The following IQSEC1 variants were observed in gnomAD, a reference collection of about 807,000 sequenced individuals.
IQSEC1 encodes the protein IQ motif and SEC7 domain-containing protein 1.
A neutral mutation model predicts 91.0 loss-of-function variants in IQSEC1; 31 were observed. The ratio of observed to expected loss-of-function variants is 0.34; its 90% CI spans 0.26 to 0.46. The LOEUF (loss-of-function observed/expected upper bound fraction) is 0.46, where lower values mean the gene tolerates loss of function less well. Ranked by LOEUF, IQSEC1 falls within the 20% of genes least tolerant of loss-of-function variation. IQSEC1 has a pLI of 1.00. For synonymous variants in IQSEC1, 699 were observed against 662.6 expected, an observed-to-expected ratio of 1.05 and a Z score of -0.84; for missense variants, 1,388 against 1,575.6, an observed-to-expected ratio of 0.88 and a Z score of 2.02.
At chr3:13,247,582 TTCTC>T (rs1264891424) in intron 1 of IQSEC1, among the ~76,000 whole-genome samples, 1 of 152,328 alleles carries the variant, frequency 6.6e-6, no homozygotes, top group East Asian at 1.9e-4. Context: ...AAGCAGAAAT[TTCTC>T]TCTCATAATT....
intron 1 of IQSEC1, chr3:13,022,157 C>T: frequency 8.1e-7 from 1 of 1,231,836 alleles, no homozygotes. Flanking sequence ...GCCCCACCAC[C>T]CAGAGTCTCC....
chr3:13,121,215 T>C (rs1706417886), intron 2 of IQSEC1, among the ~76,000 whole-genome samples: 1 of 152,244 alleles, frequency 6.6e-6, no homozygotes, highest in Non-Finnish European at 1.5e-5. Flanking sequence ...TCGTCAGAGC[T>C]GAGTAGTTAC....
chr3:12,915,303 A>G (rs1695973460), intron 7 of IQSEC1, among the ~76,000 whole-genome samples, 170 bp from the exon 8 acceptor site: 1 of 152,136 alleles, frequency 6.6e-6, no homozygotes, highest in Admixed American at 6.5e-5. Context: ...GGACTCCTGG[A>G]CCACCCAGGA....
chr3:13,009,355 G>C (rs1031181205), intron 1 of IQSEC1, among the ~76,000 whole-genome samples: 10 of 152,110 alleles, frequency 6.6e-5, no homozygotes, highest in Non-Finnish European at 5.9e-5. Flanking sequence ...GTGTGGGCAG[G>C]CTGATTTCTG....
In IQSEC1 at chr3:13,211,002, T is replaced by C. The variant is rs1273278989; in HGVS notation, c.273-46869A>G. On this transcript the variant is annotated intron_variant, in intron 1 of 15. Transcript: ENST00000648114. This position sits in a 1 kb window ranked among gnomAD's most constrained non-coding sequence, Gnocchi z 5.3. Reference sequence around the variant, plus strand: ...TCCCTCTGGAAAGATCATCCTGTACTATCACTTGAGAGAGACAAGAGTCTG... The same window carrying C: ...TCCCTCTGGAAAGATCATCCTGTACCATCACTTGAGAGAGACAAGAGTCTG... 6.6e-6 allele frequency among the ~76,000 whole-genome samples: 1 copy of C among 152,218 alleles called. No homozygotes were observed. The highest frequency in any genetic ancestry group is 6.5e-5 in the Admixed American group (1 of 15,288).
intron 1 of IQSEC1, among the ~76,000 whole-genome samples, chr3:13,009,210 C>A (rs553039024): frequency 6.6e-6 from 1 of 152,230 alleles, no homozygotes; most frequent in Non-Finnish European, 1.5e-5. Flanking sequence ...CCCAGAGAGG[C>A]CTGGTGACTC....
intron 1 of IQSEC1, among the ~76,000 whole-genome samples, chr3:12,991,628 C>T (rs553080536): frequency 6.6e-6 from 1 of 152,338 alleles, no homozygotes; most frequent in South Asian, 2.1e-4. Flanking sequence ...AGCACAAAGG[C>T]AGCTCCAGCT....
intron 1 of IQSEC1, among the ~76,000 whole-genome samples, chr3:13,250,958 T>C (rs958478140): frequency 1.3e-5 from 2 of 152,172 alleles, no homozygotes; most frequent in Non-Finnish European, 2.9e-5. Flanking sequence ...TCCTCCTCTG[T>C]CCAGAAGAGG....
At chr3:13,058,550 G>A (rs360763) in intron 1 of IQSEC1, among the ~76,000 whole-genome samples, 68,208 of 152,042 alleles carry the variant, frequency 0.45, 15,939 homozygotes, top group East Asian at 0.66. Context: ...GGTGAGGGCT[G>A]TCTTTGTGGC....
Position 12,983,722 on chromosome 3 carries a change from C to A in IQSEC1, c.24-41857G>T, listed in dbSNP as rs1175568641. Among the ~76,000 whole-genome samples, 1 of 152,166 alleles carries A rather than the reference C, an allele frequency of 6.6e-6. No individual in the cohort carries two copies. The highest frequency in any genetic ancestry group is 1.5e-5 in the Non-Finnish European group (1 of 68,026). On this transcript the variant is annotated intron_variant, in intron 1 of 13. Coordinates refer to ENST00000613206, the MANE Select transcript of IQSEC1 (RefSeq NM_001134382.3). The surrounding 1 kb of genome is among the most constrained non-coding windows in gnomAD (Gnocchi z 4.3). ...CACCTGGGCGATGCTGTTCAGAGGA[C>A]AATTTCCCTTTCCCTCTCCCCTCTG...
intron 1 of IQSEC1, chr3:13,015,585 A>G: frequency 1.0e-6 from 1 of 985,302 alleles, no homozygotes; most frequent in Non-Finnish European, 1.2e-6. Context: ...CACAGTCTCA[A>G]AGTGGAGGGG....
At chr3:13,213,830 C>A (rs1426741658) in intron 1 of IQSEC1, among the ~76,000 whole-genome samples, 2 of 152,140 alleles carry the variant, frequency 1.3e-5, no homozygotes, top group Non-Finnish European at 2.9e-5. Flanking sequence ...AGTGCCTAGG[C>A]CATCTCAGGA....
At chr3:13,246,521 T>C (rs1235337658) in intron 1 of IQSEC1, among the ~76,000 whole-genome samples, 1 of 152,160 alleles carries the variant, frequency 6.6e-6, no homozygotes, top group Non-Finnish European at 1.5e-5. Context: ...ATGTGAAGCG[T>C]ATTTTGCCAC....
chr3:13,212,915 T>C (rs1444007014), intron 1 of IQSEC1, among the ~76,000 whole-genome samples: 1 of 152,260 alleles, frequency 6.6e-6, no homozygotes, highest in Non-Finnish European at 1.5e-5. Context: ...CTTTTTGTTA[T>C]TGAGTTATAA....
chr3:13,012,031 A>G (rs1267175179), intron 1 of IQSEC1, among the ~76,000 whole-genome samples: 1 of 152,190 alleles, frequency 6.6e-6, no homozygotes, highest in African/African-American at 2.4e-5. Flanking sequence ...GCACCACCAG[A>G]GGCTGCGGAG....
intron 2 of IQSEC1, among the ~76,000 whole-genome samples, chr3:12,939,766 C>T (rs914278525): frequency 7.9e-5 from 12 of 152,180 alleles, no homozygotes; most frequent in Admixed American, 1.3e-4. Context: ...AGAGGTCTTC[C>T]CAACCAGCCT....
intron 1 of IQSEC1, among the ~76,000 whole-genome samples, chr3:13,025,630 G>A (rs1340413508): frequency 6.6e-6 from 1 of 152,194 alleles, no homozygotes; most frequent in Non-Finnish European, 1.5e-5. Context: ...TGTGGTCTTA[G>A]GGCCTTGAGA....
At chr3:12,954,040 G>C (rs1699739595) in intron 1 of IQSEC1, among the ~76,000 whole-genome samples, 1 of 152,358 alleles carries the variant, frequency 6.6e-6, no homozygotes, top group African/African-American at 2.4e-5. Flanking sequence ...CAGAAAGAAA[G>C]GTCTCCGTGT....
intron 1 of IQSEC1, among the ~76,000 whole-genome samples, chr3:13,278,252 C>A (rs143270371): frequency 1.3e-5 from 2 of 152,166 alleles, no homozygotes; most frequent in South Asian, 2.1e-4. Context: ...TGGGCTTCCC[C>A]CCCCCACCCC....
Sources: gnomAD v4.1 joint callset for allele counts (sites outside exome capture counted in the v4.1 genomes callset) on GRCh38, gnomAD v4.1.1 for gene constraint, Gnocchi (gnomAD v3.1) non-coding constraint, MANE v1.5 for transcripts, NCBI Gene and HGNC (gene_info 2026-07-23, HGNC 2026-07-21) for gene names.